Variants in MROH2A observed in about 807,000 individuals in gnomAD.
The protein encoded by MROH2A is maestro heat-like repeat-containing protein family member 2A.
In MROH2A, 174 loss-of-function variants were observed where a neutral mutation model predicts 200.4. That is an observed-to-expected ratio of 0.87 (90% CI 0.77 to 0.98). The LOEUF (loss-of-function observed/expected upper bound fraction) is 0.98, where lower values mean the gene tolerates loss of function less well. Among genes scored for constraint, MROH2A ranks in the 50% least tolerant of loss-of-function variants. The probability of loss-of-function intolerance (pLI) is 0.00; values close to 1 mark genes in which losing one functional copy is unlikely to be tolerated. For synonymous variants in MROH2A, 829 were observed against 840.4 expected, an observed-to-expected ratio of 0.99 and a Z score of 0.23; for missense variants, 2,045 against 2,139.6, an observed-to-expected ratio of 0.96 and a Z score of 0.87.
At chr2:233,802,363 C>T in intron 15 of MROH2A, 48 bp downstream of exon 15, 1 of 1,513,146 alleles carries the variant, frequency 6.6e-7, no homozygotes, top group South Asian at 1.3e-5. Flanking sequence ...GGTGGGCTGG[C>T]TCCTTGTCTG....
rs775077698 is a variant in MROH2A, at chr2:233,792,111, T to C, written c.572-685T>C. On this transcript the variant is annotated intron_variant, in intron 5 of 41. Transcript: ENST00000389758. ...CGCCCAAGAACGTTTGTGGGACCCC[T>C]GAAGGAGGCTGGCCTGTGTCCGGGA... Among the ~76,000 whole-genome samples the C allele has an allele frequency of 5.3e-5, 8 of 152,076 alleles. 1 individual carries two copies. Among genetic ancestry groups the C allele is most frequent in the Non-Finnish European group, 7.4e-5 (5 of 67,998 alleles).
In MROH2A at chr2:233,819,920, G is replaced by A. The variant is rs1350791997; in HGVS notation, c.3376G>A (p.Ala1126Thr). ...TACCTAGGTGGCCGAGATCCTGAGT[G>A]CCATCCTGGTGCACCTGCCGGTGGT... ...LEDKVAEILSAILVHLPVVDH... is the reference protein window; with the variant it reads ...LEDKVAEILSTILVHLPVVDH... Residue 1126 changes from alanine (A) to threonine (T), a missense_variant, in exon 31 of 42, where the codon GCC (alanine) becomes ACC (threonine). Coordinates refer to ENST00000389758, the MANE Select transcript of MROH2A (RefSeq NM_001394639.1). 2.6e-6 allele frequency: 4 copies of A among 1,524,324 alleles called. No individual in the cohort carries two copies. The highest frequency in any genetic ancestry group is 1.4e-5 in the African/African-American group (1 of 72,388). 94.4% of individuals were successfully genotyped at this position (1,524,324 alleles called of 1,614,324 possible).
In MROH2A at chr2:233,794,365, G is replaced by A; in HGVS notation, c.825G>A (p.Val275=). ...TVWLRHYNPE[V]KLGVIKSLKP... is the part of the protein sequence containing the mutation. ...CCAGAGCTGGTTTCTGGTGGCAGGT[G>A]AAGCTGGGGGTGATCAAGTCCCTGA... The change falls in exon 8 of 42, where the codon GTG becomes GTA. Residue 275 remains valine (V), a splice_region_variant and synonymous_variant. Transcript: ENST00000389758. The A allele has an allele frequency of 6.5e-7, 1 of 1,550,000 alleles. No homozygotes were observed. Among genetic ancestry groups the A allele is most frequent in the African/African-American group, 1.4e-5 (1 of 73,138 alleles).
rs1365885034 is a variant in MROH2A, at chr2:233,807,202, T to C, written c.2053-221T>C. 2.0e-5 allele frequency among the ~76,000 whole-genome samples: 3 copies of C among 152,184 alleles called. No individual in the cohort carries two copies. The highest frequency in any genetic ancestry group is 4.8e-5 in the African/African-American group (2 of 41,440). On this transcript the variant is annotated intron_variant, in intron 19 of 41. Coordinates refer to ENST00000389758, the MANE Select transcript of MROH2A (RefSeq NM_001394639.1). This position sits in a 1 kb window ranked among gnomAD's most constrained non-coding sequence, Gnocchi z 4.3. Reference sequence around the variant, plus strand: ...ATGTATATATAAACTGATATATGTATGTATGTATATATCAGTTTCTTTATC... The same window carrying C: ...ATGTATATATAAACTGATATATGTACGTATGTATATATCAGTTTCTTTATC...
At position 233,780,422 on chromosome 2, in the gene MROH2A, C is replaced by T. The variant is rs557015613; in HGVS notation, c.276+570C>T. Among the ~76,000 whole-genome samples the T allele has an allele frequency of 3.9e-5, 6 of 152,300 alleles. No homozygotes were observed. The South Asian group carries it at 1.2e-3, about 32-fold the overall frequency. ...AGAATCAGCATTTCTAACAAGTTCC[C>T]AGGTGATGCCAAGGCTGATCTGGAG... On this transcript the variant is annotated intron_variant, in intron 3 of 41. Coordinates refer to ENST00000389758, the MANE Select transcript of MROH2A (RefSeq NM_001394639.1).
rs1704904192 is a variant in MROH2A at position 233,833,176 on chromosome 2, AG to A, written c.4944del (p.Arg1649GlyfsTer34). Reference protein sequence around the residue: ...ELQLDPDPGVRRAALETLTVL... With the variant: ...ELQLDPDPGVXRAALETLTVL... Reference sequence around the variant, plus strand: ...ACAGCTGGACCCGGATCCCGGGGTCAGGAGGGCAGCCCTGGAGACGCTCACA... The same window carrying A: ...ACAGCTGGACCCGGATCCCGGGGTCAGAGGGCAGCCCTGGAGACGCTCACA... On this transcript the variant is annotated frameshift_variant, in exon 42 of 42. Transcript: ENST00000389758. LOFTEE classifies it high-confidence loss of function. The A allele has an allele frequency of 6.5e-7, 1 of 1,549,968 alleles. No homozygotes were observed. Among genetic ancestry groups the A allele is most frequent in the African/African-American group, 1.4e-5 (1 of 73,004 alleles).
intron 27 of MROH2A, 95 bp downstream of exon 27, chr2:233,816,980 T>C (rs1703579585): frequency 1.3e-6 from 1 of 767,358 alleles, no homozygotes; most frequent in Non-Finnish European, 2.1e-6. Flanking sequence ...ACTTATGAAA[T>C]CAAGTTCTGT....
At chr2:233,803,869 G>T (rs1411899889) in intron 16 of MROH2A, among the ~76,000 whole-genome samples, 182 bp from the exon 17 acceptor site, 2 of 152,126 alleles carry the variant, frequency 1.3e-5, no homozygotes, top group Non-Finnish European at 2.9e-5. Flanking sequence ...GGGAGCCCAG[G>T]TCTAGCCCCC....
At chr2:233,806,467 A>T (rs754221780) in intron 19 of MROH2A, among the ~76,000 whole-genome samples, 2 of 152,196 alleles carry the variant, frequency 1.3e-5, no homozygotes, top group Non-Finnish European at 2.9e-5. Context: ...CAAATAACAA[A>T]GAAAAAGCCC....
chr2:233,821,975 C>T, intron 31 of MROH2A, 149 bp from the exon 32 acceptor site: 1 of 888,628 alleles, frequency 1.1e-6, no homozygotes, highest in South Asian at 1.9e-5. Flanking sequence ...TCTAAGCACG[C>T]AAATTTTGGC....
chr2:233,825,742 A>G (rs989207482), intron 35 of MROH2A, among the ~76,000 whole-genome samples: 1 of 151,994 alleles, frequency 6.6e-6, no homozygotes, highest in East Asian at 1.9e-4. Flanking sequence ...GAATTTTTGC[A>G]TCGATGTTCA....
intron 14 of MROH2A, among the ~76,000 whole-genome samples, chr2:233,800,696 T>TAAACATTCATTGAGTTCTAACTCTGTG (rs1702419390): frequency 6.6e-6 from 1 of 152,100 alleles, no homozygotes; most frequent in African/African-American, 2.4e-5. Flanking sequence ...TTTAATTTTG[T>TAAACATTCATTGAGTTCTAACTCTGTG]AAACATTCAT....
rs1318435368 is a variant in MROH2A, at chr2:233,790,666, C to T, written c.571+652C>T. Among the ~76,000 whole-genome samples the T allele has an allele frequency of 4.1e-3, 44 of 10,638 alleles. 14 individuals carry two copies. Among genetic ancestry groups the T allele is most frequent in the East Asian group, 7.0e-3 (2 of 286 alleles). The allele number at this position is 10,638 out of a possible 152,430, so 7.0% of individuals were successfully genotyped here. Reference sequence around the variant, plus strand: ...TCCCCTCCCCTCCCCTCCCCTCCCTCCCTCCCTCCCTTCCTTCCTTCCTTC... The same window carrying T: ...TCCCCTCCCCTCCCCTCCCCTCCCTTCCTCCCTCCCTTCCTTCCTTCCTTC... On this transcript the variant is annotated intron_variant, in intron 5 of 41. Coordinates refer to ENST00000389758, the MANE Select transcript of MROH2A (RefSeq NM_001394639.1).
rs990780476 is a variant in MROH2A at position 233,793,725 on chromosome 2, G to C, written c.723G>C (p.Glu241Asp). The C allele has an allele frequency of 2.0e-6, 3 of 1,490,022 alleles. No homozygotes were observed. Among genetic ancestry groups the C allele is most frequent in the Non-Finnish European group, 2.7e-6 (3 of 1,117,350 alleles). 92.3% of individuals were successfully genotyped at this position (1,490,022 alleles called of 1,614,324 possible). ...AGTTTTATCTGAAGCACCTGGAGGA[G>C]AGCGTGTACCCCGTGATGACTGAGG... ...TVQFYLKHLE[E>D]SVYPVMTEEE... The change falls in exon 7 of 42, where the codon GAG becomes GAC. Residue 241 changes from glutamate to aspartate, a missense_variant. Coordinates refer to ENST00000389758, the MANE Select transcript of MROH2A (RefSeq NM_001394639.1).
At chr2:233,779,232 G>A in intron 1 of MROH2A, 113 bp from the exon 2 acceptor site, 2 of 669,826 alleles carry the variant, frequency 3.0e-6, no homozygotes, top group East Asian at 5.5e-5. Context: ...GAAGTCACAG[G>A]TTCCACCCAC....
chr2:233,783,128 T>G (rs189191183), intron 3 of MROH2A, among the ~76,000 whole-genome samples: 1 of 152,338 alleles, frequency 6.6e-6, no homozygotes, highest in East Asian at 1.9e-4. Flanking sequence ...TAATATTTTG[T>G]TGTGGATTTC....
chr2:233,779,446 G>T lies in MROH2A; in HGVS notation c.88G>T (p.Asp30Tyr), dbSNP rs1212727983. ...RDDLGPLELH[D>Y]SGTFQQVVNL... Reference sequence around the variant, plus strand: ...CGACCTGGGGCCTCTTGAATTACATGACAGTGGTAAGAATGTCATCCACAT... The same window carrying T: ...CGACCTGGGGCCTCTTGAATTACATTACAGTGGTAAGAATGTCATCCACAT... The change falls in exon 2 of 42, where the codon GAC becomes TAC. Residue 30 changes from aspartate to tyrosine, a missense_variant. Coordinates refer to ENST00000389758, the MANE Select transcript of MROH2A (RefSeq NM_001394639.1). 5.2e-6 allele frequency: 8 copies of T among 1,548,224 alleles called. No individual in the cohort carries two copies. The highest frequency in any genetic ancestry group is 4.4e-6 in the Non-Finnish European group (5 of 1,145,170).
rs1472032855 is a variant in MROH2A, at chr2:233,810,904, C to T, written c.2559C>T (p.Thr853=). 1.3e-6 allele frequency: 2 copies of T among 1,550,164 alleles called. No individual in the cohort carries two copies. The highest frequency in any genetic ancestry group is 2.0e-5 in the Admixed American group (1 of 50,994). The part of the protein sequence containing the change: ...DFHFAQKTTL[T]SIIVAVIKAE... ...ACTTTGCCCAGAAGACGACTCTTAC[C>T]AGCATTATAGTGGTAAGCTGGGTGG... The change falls in exon 23 of 42, where the codon ACC becomes ACT. Residue 853 remains threonine, a synonymous_variant. Transcript: ENST00000389758.
chr2:233,803,316 A>T (rs1278930302), intron 15 of MROH2A, 132 bp from the exon 16 acceptor site: 1 of 895,568 alleles, frequency 1.1e-6, no homozygotes, highest in East Asian at 2.7e-5. Flanking sequence ...CCCATTCTCC[A>T]TTCTGGGGGT....
Sources: gnomAD v4.1 joint callset for allele counts (sites outside exome capture counted in the v4.1 genomes callset) on GRCh38, gnomAD v4.1.1 for gene constraint, Gnocchi (gnomAD v3.1) non-coding constraint, MANE v1.5 for transcripts, NCBI Gene and HGNC (gene_info 2026-07-23, HGNC 2026-07-21) for gene names.